LRRK1: variants seen among roughly 807,000 people sequenced by gnomAD.
The protein encoded by LRRK1 is leucine rich repeat kinase 1.
Under a neutral mutation model 209.1 loss-of-function variants are expected in LRRK1, and 113 were observed. The observed-to-expected ratio is 0.54, with a 90% confidence interval of 0.46 to 0.63. LRRK1 has a LOEUF of 0.63. LRRK1 is among the 30% of genes least tolerant of loss of function. LRRK1 has a pLI of 0.00. For missense variants in LRRK1, 2,284 were observed against 2,632.2 expected (o/e 0.87, Z 2.89); for synonymous variants, 1,144 against 1,099.7 (o/e 1.04, Z -0.80).
At chr15:101,031,396 A>G (rs1311181026) in intron 20 of LRRK1, among the ~76,000 whole-genome samples, 1 of 152,200 alleles carries the variant, frequency 6.6e-6, no homozygotes, top group African/African-American at 2.4e-5. Context: ...CGCACTAAAC[A>G]TCATGCCTTT....
At chr15:100,932,029 AGGCTGGAGTGCAAT>A (rs1450244569) in intron 2 of LRRK1, among the ~76,000 whole-genome samples, 3 of 152,026 alleles carry the variant, frequency 2.0e-5, no homozygotes, top group Non-Finnish European at 4.4e-5. Flanking sequence ...CTTGTCATTC[AGGCTGGAGTGCAAT>A]GGCGCAACCT....
intron 6 of LRRK1, among the ~76,000 whole-genome samples, chr15:100,992,540 A>T (rs2032200595): frequency 6.6e-6 from 1 of 152,248 alleles, no homozygotes; most frequent in Non-Finnish European, 1.5e-5. Flanking sequence ...TTAAAATACA[A>T]GGAACTGTCA....
chr15:101,067,393 T>C (rs1007596146), intron 33 of LRRK1: 1 of 431,866 alleles, frequency 2.3e-6, no homozygotes, highest in African/African-American at 2.0e-5. Flanking sequence ...ACACGGTAAA[T>C]CTCCCCTACG....
At chr15:100,934,273 T>G (rs1352678781) in intron 2 of LRRK1, among the ~76,000 whole-genome samples, 1 of 152,206 alleles carries the variant, frequency 6.6e-6, no homozygotes, top group Non-Finnish European at 1.5e-5. Context: ...AGAAAAATAT[T>G]TTTCACTGGC....
At chr15:100,974,536 T>C (rs899330882) in intron 3 of LRRK1, among the ~76,000 whole-genome samples, 10 of 152,224 alleles carry the variant, frequency 6.6e-5, no homozygotes, top group African/African-American at 2.4e-5. Flanking sequence ...ATTTTCCAGA[T>C]GATTAAAAAT....
At chr15:100,999,115 C>CTGCAGACACCATATTTTTATTTCT (rs1216496585) in intron 6 of LRRK1, among the ~76,000 whole-genome samples, 1 of 152,212 alleles carries the variant, frequency 6.6e-6, no homozygotes, top group Non-Finnish European at 1.5e-5. Context: ...GCTTAGTTAA[C>CTGCAGACACCATATTTTTATTTCT]TGCAGACACC....
chr15:101,051,214 G>C (rs1406159928), intron 23 of LRRK1, among the ~76,000 whole-genome samples: 3 of 152,258 alleles, frequency 2.0e-5, no homozygotes, highest in African/African-American at 7.2e-5. Flanking sequence ...CCTCCTCTCA[G>C]AGGCGTGGGG....
chr15:101,045,708 G>A (rs1320523526), intron 20 of LRRK1, among the ~76,000 whole-genome samples: 1 of 152,180 alleles, frequency 6.6e-6, no homozygotes, highest in African/African-American at 2.4e-5. Context: ...ATGTTTTCAT[G>A]TCTTCCCTTA....
intron 2 of LRRK1, among the ~76,000 whole-genome samples, chr15:100,966,906 G>A (rs958040790): frequency 2.0e-5 from 3 of 152,180 alleles, no homozygotes; most frequent in Non-Finnish European, 4.4e-5. Flanking sequence ...TATGCCCTAA[G>A]TTCCACCTTC....
chr15:100,924,443 C>A (rs2042073129), intron 1 of LRRK1, 68 bp from the exon 2 acceptor site: 1 of 585,526 alleles, frequency 1.7e-6, no homozygotes, highest in Non-Finnish European at 3.1e-6. Flanking sequence ...TGAACCCATG[C>A]AAATATTTGC....
At chr15:101,053,859 A>C (rs1257283520) in intron 26 of LRRK1, among the ~76,000 whole-genome samples, 2 of 152,240 alleles carry the variant, frequency 1.3e-5, no homozygotes, top group African/African-American at 2.4e-5. Context: ...ACCTTGAGAA[A>C]AGAGCAGCTA....
At chr15:100,944,205 G>C (rs1364029399) in intron 2 of LRRK1, among the ~76,000 whole-genome samples, 3 of 152,100 alleles carry the variant, frequency 2.0e-5, no homozygotes, top group Non-Finnish European at 2.9e-5. Context: ...ACCTATTGTT[G>C]TTCAGCCAGA....
Position 101,057,060 on chromosome 15 carries a change from G to T in LRRK1, c.4527+10G>T, listed in dbSNP as rs1555479268. On this transcript the variant is annotated intron_variant, in intron 28 of 33. Coordinates refer to ENST00000388948, the MANE Select transcript of LRRK1 (RefSeq NM_024652.6). ...CACTAAGCCAGAGAAGGTACTTGGGGACACAGAGCCCAGGGCCTGGGACCT... is the reference window on the plus strand; with the variant it reads ...CACTAAGCCAGAGAAGGTACTTGGGTACACAGAGCCCAGGGCCTGGGACCT... 1 of 1,591,392 alleles carries T rather than the reference G, an allele frequency of 6.3e-7. No individual in the cohort carries two copies. Among genetic ancestry groups the T allele is most frequent in the South Asian group, 1.1e-5 (1 of 87,676 alleles).
rs1451322394 is a variant in LRRK1, at chr15:100,951,425, C to A, written c.98-22379C>A. Among the ~76,000 whole-genome samples, 3 of 152,118 alleles carry A rather than the reference C, an allele frequency of 2.0e-5. 1 individual carries two copies. Among genetic ancestry groups the A allele is most frequent in the South Asian group, 2.1e-4 (1 of 4,824 alleles). On this transcript the variant is annotated intron_variant, in intron 2 of 33. Coordinates refer to ENST00000388948, the MANE Select transcript of LRRK1 (RefSeq NM_024652.6). ...AACATGCAATTACCATATGACCCAG[C>A]AATTCCACTCCTGAGTATATACACA...
At chr15:100,923,553 A>T (rs1234376327) in intron 1 of LRRK1, among the ~76,000 whole-genome samples, 1 of 152,194 alleles carries the variant, frequency 6.6e-6, no homozygotes, top group Non-Finnish European at 1.5e-5. Context: ...GTAGTACCTC[A>T]TGTCAGGCCT....
chr15:101,058,995 C>T (rs372999105), intron 29 of LRRK1, among the ~76,000 whole-genome samples: 3 of 152,214 alleles, frequency 2.0e-5, no homozygotes, highest in East Asian at 3.9e-4. Context: ...GAACAGACTT[C>T]GCAGTTTCTC....
intron 2 of LRRK1, among the ~76,000 whole-genome samples, chr15:100,953,256 T>C (rs2042690957): frequency 6.6e-6 from 1 of 152,152 alleles, no homozygotes; most frequent in Non-Finnish European, 1.5e-5. Context: ...AACTAAAAGT[T>C]TGTACCCTTC....
intron 2 of LRRK1, among the ~76,000 whole-genome samples, chr15:100,929,675 C>A (rs529885497): frequency 6.6e-6 from 1 of 152,296 alleles, no homozygotes; most frequent in Admixed American, 6.5e-5. Context: ...ACATCTCTGA[C>A]CTGTTCCTCC....
At chr15:101,062,711 G>A (rs1455793435) in intron 31 of LRRK1, 21 bp downstream of exon 31, 1 of 1,549,832 alleles carries the variant, frequency 6.5e-7, no homozygotes, top group African/African-American at 1.4e-5. Flanking sequence ...GGCAAAGGCA[G>A]GTATGCAGGT....
Sources: allele counts gnomAD v4.1 joint callset (sites outside exome capture counted in the v4.1 genomes callset), GRCh38; gene constraint gnomAD v4.1.1; transcripts MANE v1.5; gene names NCBI Gene and HGNC (gene_info 2026-07-23, HGNC 2026-07-21).